Variants in KIF20B observed in about 807,000 individuals in gnomAD.
The protein encoded by KIF20B is kinesin family member 20B, also known as kinesin-like protein KIF20B.
KIF20B carries 188 observed loss-of-function variants against 232.5 expected under a neutral mutation model. The ratio of observed to expected loss-of-function variants is 0.81; its 90% CI spans 0.72 to 0.91. The LOEUF is 0.91. KIF20B is among the 40% of genes least tolerant of loss of function. KIF20B has a pLI of 0.00. For missense variants in KIF20B, 2,154 were observed against 2,055.9 expected (o/e 1.05, Z -0.92); for synonymous variants, 712 against 683.0 (o/e 1.04, Z -0.66).
chr10:89,762,968 T>A (rs1842277209), intron 29 of KIF20B, 133 bp downstream of exon 29: 1 of 658,310 alleles, frequency 1.5e-6, no homozygotes, highest in South Asian at 1.8e-5. Context: ...CAATTTATGC[T>A]ATATTTTATA....
At position 89,737,548 on chromosome 10, in the gene KIF20B, G is replaced by GTCT; in HGVS notation, c.2707_2708insTCT (p.Glu903delinsValTer). The GTCT allele has an allele frequency of 6.2e-7, 1 of 1,607,108 alleles. No homozygotes were observed. On this transcript the variant is annotated stop_gained and protein_altering_variant, in exon 20 of 33. Coordinates refer to ENST00000371728, the MANE Select transcript of KIF20B (RefSeq NM_001284259.2). LOFTEE classifies it high-confidence loss of function. ...TGAGAATGAACTTAAAAATGAAAAG[G>GTCT]AAGAAAAAGCAGAATTAAATAAACA...
In KIF20B at chr10:89,705,263, G is replaced by A. The variant is rs745793663; in HGVS notation, c.-1-31G>A. 6 of 1,605,474 alleles carry A rather than the reference G, an allele frequency of 3.7e-6. No homozygotes were observed. In the South Asian group the frequency reaches 6.6e-5, roughly 18 times the overall value. ...GTGGCTTACATGCTGACTTATTAAGGTTGTTAAAGAAGTTGCTGTTATTCT... is the reference window on the plus strand; with the variant it reads ...GTGGCTTACATGCTGACTTATTAAGATTGTTAAAGAAGTTGCTGTTATTCT... On this transcript the variant is annotated intron_variant, in intron 1 of 32. Coordinates refer to ENST00000371728, the MANE Select transcript of KIF20B (RefSeq NM_001284259.2).
intron 23 of KIF20B, among the ~76,000 whole-genome samples, chr10:89,748,606 T>C (rs1356706272): frequency 1.3e-5 from 2 of 152,192 alleles, no homozygotes; most frequent in Non-Finnish European, 2.9e-5. Flanking sequence ...CACAGTACTG[T>C]TTTCTTCTGC....
At chr10:89,710,162 T>C in intron 5 of KIF20B, 97 bp downstream of exon 5, 1 of 1,094,092 alleles carries the variant, frequency 9.1e-7, no homozygotes, top group Non-Finnish European at 1.3e-6. Flanking sequence ...TGCTATTACC[T>C]AGTATGCGTT....
chr10:89,749,284 C>T (rs1841979379), intron 23 of KIF20B, among the ~76,000 whole-genome samples: 1 of 152,156 alleles, frequency 6.6e-6, no homozygotes, highest in South Asian at 2.1e-4. Flanking sequence ...ATCTTTAACT[C>T]TTAAGGCTTT....
intron 23 of KIF20B, among the ~76,000 whole-genome samples, chr10:89,748,938 C>T (rs887023279): frequency 4.6e-5 from 7 of 151,942 alleles, no homozygotes; most frequent in Non-Finnish European, 8.8e-5. Context: ...GCAATCCCTG[C>T]TTTTTATTTT....
chr10:89,744,764 GAATA>G (rs1423110125), intron 22 of KIF20B, among the ~76,000 whole-genome samples: 1 of 151,154 alleles, frequency 6.6e-6, no homozygotes, highest in Non-Finnish European at 1.5e-5. Flanking sequence ...GCAAACTAAT[GAATA>G]GTCAGGTATA....
In KIF20B at chr10:89,767,257, A is replaced by G. The variant is rs1842381207; in HGVS notation, c.4990-1033A>G. ...GCAGTTTTGTTACATAGGTATACAC[A>G]TGCTATGGTGGTTTGCTGCACCCAT... On this transcript the variant is annotated intron_variant, in intron 29 of 32. Coordinates refer to ENST00000371728, the MANE Select transcript of KIF20B (RefSeq NM_001284259.2). Among the ~76,000 whole-genome samples the G allele has an allele frequency of 3.3e-5, 5 of 150,340 alleles. No homozygotes were observed. In the South Asian group the frequency reaches 1.0e-3, roughly 31 times the overall value.
intron 19 of KIF20B, 134 bp from the exon 20 acceptor site, chr10:89,737,252 CA>C (rs1841677904): frequency 1.0e-6 from 1 of 962,750 alleles, no homozygotes; most frequent in African/African-American, 1.9e-5. Flanking sequence ...TTTTTCTCAA[CA>C]GCTTATTTCA....
intron 6 of KIF20B, among the ~76,000 whole-genome samples, chr10:89,713,631 A>G (rs1307632265): frequency 6.6e-6 from 1 of 152,182 alleles, no homozygotes; most frequent in Non-Finnish European, 1.5e-5. Flanking sequence ...AGAAGAAAAT[A>G]TGTAAAGATG....
At chr10:89,705,521 A>G (rs1842704559) in intron 2 of KIF20B, 80 bp downstream of exon 2, 4 of 1,290,606 alleles carry the variant, frequency 3.1e-6, no homozygotes, top group Admixed American at 2.3e-5. Context: ...CTGTTTTTGT[A>G]TTACCTGTTT....
intron 7 of KIF20B, 83 bp downstream of exon 7, chr10:89,714,166 T>C: frequency 1.3e-6 from 1 of 769,676 alleles, no homozygotes; most frequent in Non-Finnish European, 1.9e-6. Flanking sequence ...AAATCACTTC[T>C]AATGTTTTAT....
intron 23 of KIF20B, 50 bp downstream of exon 23, chr10:89,746,009 C>CA: frequency 7.3e-7 from 1 of 1,365,000 alleles, no homozygotes; most frequent in Non-Finnish European, 1.0e-6. Context: ...TCTTATTCCC[C>CA]TCGCAGGGCA....
intron 32 of KIF20B, among the ~76,000 whole-genome samples, chr10:89,773,035 A>G (rs1589316403): frequency 6.6e-6 from 1 of 152,068 alleles, no homozygotes; most frequent in East Asian, 1.9e-4. Flanking sequence ...TTGCATTTGA[A>G]AATGCATCAG....
chr10:89,726,461 T>C lies in KIF20B; in HGVS notation c.2170T>C (p.Leu724=), dbSNP rs1843188955. Residue 724 remains leucine, a synonymous_variant, in exon 16 of 33, where the codon TTA becomes CTA. Coordinates refer to ENST00000371728, the MANE Select transcript of KIF20B (RefSeq NM_001284259.2). ...ELKFNQIKAE[L]AKTKGELIKT... ...AAAGTTTAATCAAATTAAAGCTGAA[T>C]TAGCTAAAACCAAAGGAGAATTAAT... 1.9e-6 allele frequency: 3 copies of C among 1,608,520 alleles called. No individual in the cohort carries two copies. The highest frequency in any genetic ancestry group is 2.5e-6 in the Non-Finnish European group (3 of 1,176,960).
chr10:89,711,960 G>C (rs1842844312), intron 6 of KIF20B, among the ~76,000 whole-genome samples: 1 of 152,220 alleles, frequency 6.6e-6, no homozygotes, highest in Middle Eastern at 3.4e-3. Context: ...CTCAGGCCAA[G>C]ATTGGATATT....
intron 30 of KIF20B, 49 bp downstream of exon 30, chr10:89,768,440 G>T (rs1191777110): frequency 1.8e-6 from 2 of 1,118,696 alleles, no homozygotes; most frequent in African/African-American, 1.6e-5. Flanking sequence ...CAGAAATCCA[G>T]TTGTGTTCAA....
rs895857763 is a variant in KIF20B at position 89,710,121 on chromosome 10, G to A, written c.490+56G>A. ...ATAAGGAAGCAATAATAATCACTCA[G>A]TGTTTTTATAATACATACATGTAGT... On this transcript the variant is annotated intron_variant, in intron 5 of 32. Transcript: ENST00000371728. 4.9e-5 allele frequency: 73 copies of A among 1,476,496 alleles called. No individual in the cohort carries two copies. In the African/African-American group the frequency reaches 6.8e-4, roughly 14 times the overall value. 91.5% of individuals were successfully genotyped at this position (1,476,496 alleles called of 1,614,324 possible).
chr10:89,726,637 C>A (rs1487752082), intron 16 of KIF20B, 116 bp downstream of exon 16: 23 of 810,700 alleles, frequency 2.8e-5, no homozygotes, highest in African/African-American at 3.5e-5. Flanking sequence ...ATTCTTTCAT[C>A]TAGGTAACAT....
Sources: allele counts gnomAD v4.1 joint callset (sites outside exome capture counted in the v4.1 genomes callset), GRCh38; gene constraint gnomAD v4.1.1; transcripts MANE v1.5; gene names NCBI Gene and HGNC (gene_info 2026-07-23, HGNC 2026-07-21).